The following NTM variants were observed in gnomAD, a reference collection of about 807,000 sequenced individuals.
The protein encoded by NTM is IgLON family member 2.
In NTM, 13 loss-of-function variants were observed where a neutral mutation model predicts 42.1. The observed-to-expected ratio is 0.31, with a 90% CI of 0.20 to 0.49. NTM has a LOEUF of 0.49. Ranked by LOEUF, NTM falls within the 20% of genes least tolerant of loss-of-function variation. The pLI is 0.99. For synonymous variants in NTM, 187 were observed against 179.2 expected, an observed-to-expected ratio of 1.04 and a Z score of -0.35; for missense variants, 373 against 452.8, an observed-to-expected ratio of 0.82 and a Z score of 1.60.
At chr11:132,227,168 T>A (rs2086485259) in intron 4 of NTM, among the ~76,000 whole-genome samples, 1 of 152,152 alleles carries the variant, frequency 6.6e-6, no homozygotes, top group South Asian at 2.1e-4. Context: ...AGGAAAAGGA[T>A]GATCCAGCAA....
intron 1 of NTM, among the ~76,000 whole-genome samples, chr11:131,733,082 G>T (rs2079904769): frequency 6.6e-6 from 1 of 152,060 alleles, no homozygotes; most frequent in Admixed American, 6.6e-5. Context: ...CTGATATTAT[G>T]ATAATGTTGT....
At chr11:131,643,382 G>A (rs1040368594) in intron 1 of NTM, among the ~76,000 whole-genome samples, 1 of 152,252 alleles carries the variant, frequency 6.6e-6, no homozygotes, top group South Asian at 2.1e-4. Flanking sequence ...GTGTACCCGG[G>A]TGTGCGCGGA....
intron 1 of NTM, among the ~76,000 whole-genome samples, chr11:131,792,005 G>C (rs777176352): frequency 1.3e-5 from 2 of 152,096 alleles, no homozygotes; most frequent in African/African-American, 4.8e-5. Flanking sequence ...TAACTGATAC[G>C]TAATAATTGT....
At chr11:132,159,710 T>A (rs1203173660) in intron 3 of NTM, among the ~76,000 whole-genome samples, 2 of 152,080 alleles carry the variant, frequency 1.3e-5, no homozygotes, top group African/African-American at 2.4e-5. Flanking sequence ...CTGGAGGAAC[T>A]TCCCAGAAAA....
chr11:131,981,277 C>T (rs1424424629), intron 2 of NTM: 1 of 152,170 alleles, frequency 6.6e-6, no homozygotes, highest in South Asian at 2.1e-4. Context: ...GTCCTGACAC[C>T]GTGTTCCAGG....
At chr11:132,148,410 G>A (rs80194973) in intron 3 of NTM, among the ~76,000 whole-genome samples, 2,850 of 152,252 alleles carry the variant, frequency 0.019, 35 homozygotes, top group Non-Finnish European at 0.029. Flanking sequence ...ACTCTACCAG[G>A]TGGTGGTTTG....
chr11:131,992,152 A>C (rs1017742999), intron 2 of NTM, among the ~76,000 whole-genome samples: 16 of 152,128 alleles, frequency 1.1e-4, no homozygotes, highest in Non-Finnish European at 2.1e-4. Flanking sequence ...CCACCCCCTC[A>C]AACTACTCGA....
At chr11:131,477,382 C>T (rs981753695) in intron 1 of NTM, among the ~76,000 whole-genome samples, 4 of 151,922 alleles carry the variant, frequency 2.6e-5, no homozygotes, top group Admixed American at 6.6e-5. Context: ...CCATTCTCTT[C>T]TACCCCACTT....
chr11:131,889,768 G>T (rs1036163723), intron 1 of NTM, among the ~76,000 whole-genome samples: 5 of 152,072 alleles, frequency 3.3e-5, no homozygotes, highest in African/African-American at 1.2e-4. Context: ...AAGAAACTGG[G>T]GGAAGGAAAG....
At chr11:132,305,774 A>G (rs2095055707) in intron 4 of NTM, among the ~76,000 whole-genome samples, 1 of 152,240 alleles carries the variant, frequency 6.6e-6, no homozygotes, top group Non-Finnish European at 1.5e-5. Flanking sequence ...TGCTTATCAA[A>G]CAATATTCAT....
intron 1 of NTM, among the ~76,000 whole-genome samples, chr11:131,394,006 C>G (rs1944299209): frequency 6.6e-6 from 1 of 152,228 alleles, no homozygotes; most frequent in Admixed American, 6.5e-5. Context: ...CTGGCAGCAA[C>G]AGCAGGCAGG....
intron 1 of NTM, among the ~76,000 whole-genome samples, chr11:131,801,137 A>C (rs1014354064): frequency 3.3e-5 from 5 of 152,184 alleles, no homozygotes; most frequent in Non-Finnish European, 7.3e-5. Flanking sequence ...CTCTGCATCA[A>C]ATCAAACCTG....
intron 1 of NTM, among the ~76,000 whole-genome samples, chr11:131,736,085 A>G (rs1472107122): frequency 6.6e-6 from 1 of 152,098 alleles, no homozygotes; most frequent in African/African-American, 2.4e-5. Context: ...CTCCCGTCTC[A>G]GTTTCCCAAA....
At chr11:132,262,074 C>T (rs1223357445) in intron 4 of NTM, among the ~76,000 whole-genome samples, 4 of 152,174 alleles carry the variant, frequency 2.6e-5, no homozygotes, top group Non-Finnish European at 5.9e-5. Context: ...CATCCTCCAC[C>T]CCCACCCTAT....
chr11:131,735,717 G>A (rs1379797226), intron 1 of NTM, among the ~76,000 whole-genome samples: 5 of 152,140 alleles, frequency 3.3e-5, no homozygotes, highest in African/African-American at 9.7e-5. Flanking sequence ...CCTTAGCTCA[G>A]TCGCTCTTTC....
chr11:132,257,779 A>G (rs2092593429), intron 4 of NTM, among the ~76,000 whole-genome samples: 1 of 152,248 alleles, frequency 6.6e-6, no homozygotes, highest in South Asian at 2.1e-4. Flanking sequence ...GCCAGGATTC[A>G]AAACTACATC....
chr11:132,275,091 T>C (rs1235263925), intron 4 of NTM, among the ~76,000 whole-genome samples: 1 of 152,126 alleles, frequency 6.6e-6, no homozygotes, highest in Non-Finnish European at 1.5e-5. Flanking sequence ...TATAGTTTTA[T>C]GGCAAGTCTA....
intron 1 of NTM, among the ~76,000 whole-genome samples, chr11:131,885,821 G>A (rs922439473): frequency 2.0e-5 from 3 of 152,226 alleles, no homozygotes; most frequent in Non-Finnish European, 4.4e-5. Context: ...GCAAGTGTGA[G>A]CAGACTTTCT....
At chr11:131,525,965 T>C (rs2050420648) in intron 1 of NTM, among the ~76,000 whole-genome samples, 2 of 152,168 alleles carry the variant, frequency 1.3e-5, no homozygotes. Flanking sequence ...CATGGCTCCA[T>C]TCAGAAATTA....
Sources: allele counts gnomAD v4.1 joint callset (sites outside exome capture counted in the v4.1 genomes callset), GRCh38; gene constraint gnomAD v4.1.1; transcripts MANE v1.5; gene names NCBI Gene and HGNC (gene_info 2026-07-23, HGNC 2026-07-21).